CHST11: variants seen among roughly 807,000 people sequenced by gnomAD.
CHST11 encodes C4S-1.
Under a neutral mutation model 30.4 loss-of-function variants are expected in CHST11, and 9 were observed. That is an observed-to-expected ratio of 0.30 (90% CI 0.18 to 0.52). CHST11 has a LOEUF of 0.52. Among genes scored for constraint, CHST11 ranks in the 20% least tolerant of loss-of-function variants. The pLI is 0.97. For missense variants in CHST11, 348 were observed against 460.6 expected (o/e 0.76, Z 2.24); for synonymous variants, 152 against 187.8 (o/e 0.81, Z 1.56).
chr12:104,539,531 A>G (rs1389599669), intron 1 of CHST11, among the ~76,000 whole-genome samples: 2 of 152,192 alleles, frequency 1.3e-5, no homozygotes, highest in Non-Finnish European at 2.9e-5. Flanking sequence ...ATGGCTGAAC[A>G]GTGGGATTAT....
At chr12:104,737,085 A>G (rs778881854) in intron 2 of CHST11, among the ~76,000 whole-genome samples, 2 of 152,234 alleles carry the variant, frequency 1.3e-5, no homozygotes, top group Non-Finnish European at 2.9e-5. Context: ...TAGCTATGGG[A>G]ATTTTAAAAC....
chr12:104,680,178 G>A (rs938916381), intron 2 of CHST11, among the ~76,000 whole-genome samples: 8 of 152,212 alleles, frequency 5.3e-5, no homozygotes, highest in Non-Finnish European at 1.0e-4. Flanking sequence ...TTGAGAGGAC[G>A]CAGGTGATAG....
rs559273963 is a variant in CHST11 at position 104,729,696 on chromosome 12, T to G, written c.205-27253T>G. ...AGAAGTGAGAAGTGGGTGTGCAGAA[T>G]CGTACGGTGTGCAGACGGTGGCCTG... On this transcript the variant is annotated intron_variant, in intron 2 of 2. Coordinates refer to ENST00000303694, the MANE Select transcript of CHST11 (RefSeq NM_018413.6). This position sits in a 1 kb window ranked among gnomAD's most constrained non-coding sequence, Gnocchi z 4.0. Among the ~76,000 whole-genome samples, 1 of 152,134 alleles carries G rather than the reference T, an allele frequency of 6.6e-6. No individual in the cohort carries two copies. The highest frequency in any genetic ancestry group is 2.4e-5 in the African/African-American group (1 of 41,432).
chr12:104,550,519 C>T (rs7980528), intron 1 of CHST11, among the ~76,000 whole-genome samples: 33,086 of 152,018 alleles, frequency 0.22, 5,218 homozygotes, highest in African/African-American at 0.45. Flanking sequence ...TGAAAGCATC[C>T]ATAGGCAATA....
chr12:104,673,773 T>C (rs887764239), intron 2 of CHST11, among the ~76,000 whole-genome samples: 2 of 152,248 alleles, frequency 1.3e-5, no homozygotes, highest in Admixed American at 1.3e-4. Context: ...CGTGTGACCT[T>C]GGGCAAGTTC....
intron 2 of CHST11, among the ~76,000 whole-genome samples, chr12:104,724,682 T>C (rs889250115): frequency 2.0e-5 from 3 of 152,034 alleles, no homozygotes; most frequent in Non-Finnish European, 4.4e-5. Flanking sequence ...GAACAGTTGC[T>C]GGAGGACTCC....
rs1458034827 is a variant in CHST11, at chr12:104,760,971, C to G, written c.*3168C>G. On this transcript the variant is annotated 3_prime_UTR_variant, in exon 3 of 3. Coordinates refer to ENST00000303694, the MANE Select transcript of CHST11 (RefSeq NM_018413.6). ...GCTGGAGAAAAGTACAGGCAGGCGT[C>G]CCATCTCCCAGCCACTTCTCAAAGG... 1 of 152,218 alleles carries G rather than the reference C, an allele frequency of 6.6e-6. No individual in the cohort carries two copies. Among genetic ancestry groups the G allele is most frequent in the Non-Finnish European group, 1.5e-5 (1 of 68,054 alleles). The allele number at this position is 152,218 out of a possible 1,614,324, so 9.4% of individuals were successfully genotyped here. A position where few individuals can be genotyped will look rare whatever the true frequency, so the allele number is the denominator to read the frequency against.
chr12:104,565,946 G>A (rs2038561420), intron 1 of CHST11, among the ~76,000 whole-genome samples: 3 of 152,198 alleles, frequency 2.0e-5, no homozygotes, highest in South Asian at 2.1e-4. Context: ...TGCTTACCAC[G>A]TTTCTTGGGA....
At position 104,614,765 on chromosome 12, in the gene CHST11, G is replaced by A. The variant is rs1365038579; in HGVS notation, c.204+12774G>A. 5.3e-5 allele frequency among the ~76,000 whole-genome samples: 8 copies of A among 151,824 alleles called. No individual in the cohort carries two copies. In the East Asian group the frequency reaches 1.6e-3, roughly 30 times the overall value. ...GCAAAGACACAGGAGGGTGGCACAC[G>A]GAAGAACAAGTGACTCCACCCTCCC... On this transcript the variant is annotated intron_variant, in intron 2 of 2. Transcript: ENST00000303694.
Position 104,518,137 on chromosome 12 carries a change from A to T in CHST11, c.118+60608A>T, listed in dbSNP as rs567732892. Reference sequence around the variant, plus strand: ...CCTTACTTGACAAAAAAATAAAAAAATTAGCCAGGCGCAGTGGCACGTGCC... The same window carrying T: ...CCTTACTTGACAAAAAAATAAAAAATTTAGCCAGGCGCAGTGGCACGTGCC... On this transcript the variant is annotated intron_variant, in intron 1 of 2. Transcript: ENST00000303694. 3.3e-5 allele frequency among the ~76,000 whole-genome samples: 5 copies of T among 152,212 alleles called. No homozygotes were observed. In the East Asian group the frequency reaches 5.8e-4, roughly 18 times the overall value.
intron 1 of CHST11, among the ~76,000 whole-genome samples, chr12:104,562,012 C>G (rs1167345262): frequency 6.6e-6 from 1 of 152,082 alleles, no homozygotes. Context: ...CTCAATAGCT[C>G]CTACTGCCCA....
At chr12:104,506,181 G>A (rs895703681) in intron 1 of CHST11, among the ~76,000 whole-genome samples, 1 of 152,210 alleles carries the variant, frequency 6.6e-6, no homozygotes, top group Non-Finnish European at 1.5e-5. Flanking sequence ...CCATAGAGAA[G>A]GATGACAAGC....
intron 2 of CHST11, among the ~76,000 whole-genome samples, chr12:104,749,468 A>G (rs1429211221): frequency 6.6e-6 from 1 of 152,246 alleles, no homozygotes; most frequent in African/African-American, 2.4e-5. Flanking sequence ...TGAGAAAGCA[A>G]ACAAGAAGAG....
At chr12:104,662,822 T>C (rs1288105550) in intron 2 of CHST11, among the ~76,000 whole-genome samples, 1 of 152,232 alleles carries the variant, frequency 6.6e-6, no homozygotes, top group Admixed American at 6.5e-5. Context: ...ATTGATTTAC[T>C]AATATTTTTT....
chr12:104,645,048 C>T (rs996833500), intron 2 of CHST11, among the ~76,000 whole-genome samples: 3 of 152,142 alleles, frequency 2.0e-5, no homozygotes, highest in African/African-American at 4.8e-5. Context: ...CCCAGATTCA[C>T]GCCATTCTCC....
At chr12:104,707,934 G>T (rs1282036568) in intron 2 of CHST11, among the ~76,000 whole-genome samples, 2 of 152,210 alleles carry the variant, frequency 1.3e-5, no homozygotes, top group Admixed American at 6.5e-5. Context: ...ATGCAGGCAT[G>T]CACACAGATA....
intron 1 of CHST11, among the ~76,000 whole-genome samples, chr12:104,463,699 G>A (rs2037430880): frequency 1.3e-5 from 2 of 152,168 alleles, no homozygotes; most frequent in African/African-American, 4.8e-5. Context: ...GAGAGGCAGG[G>A]GTTGCAATAT....
At chr12:104,482,478 A>G (rs1326882585) in intron 1 of CHST11, among the ~76,000 whole-genome samples, 2 of 151,950 alleles carry the variant, frequency 1.3e-5, no homozygotes, top group Middle Eastern at 3.2e-3. Flanking sequence ...TTCCTAGACC[A>G]TGTGGCCACT....
chr12:104,649,495 G>A (rs1424819036), intron 2 of CHST11, among the ~76,000 whole-genome samples: 1 of 152,148 alleles, frequency 6.6e-6, no homozygotes, highest in Non-Finnish European at 1.5e-5. Context: ...CACAAAATCT[G>A]TAGTAGAGCT....
Sources: gnomAD v4.1 joint callset for allele counts (sites outside exome capture counted in the v4.1 genomes callset) on GRCh38, gnomAD v4.1.1 for gene constraint, Gnocchi (gnomAD v3.1) non-coding constraint, MANE v1.5 for transcripts, NCBI Gene and HGNC (gene_info 2026-07-23, HGNC 2026-07-21) for gene names.